Variants in ATP10B observed in about 807,000 individuals in gnomAD.
ATP10B encodes ATPase phospholipid transporting 10B (putative).
Under a neutral mutation model 141.2 loss-of-function variants are expected in ATP10B, and 122 were observed. The observed-to-expected ratio is 0.86, with a 90% CI of 0.75 to 1.00. The LOEUF (loss-of-function observed/expected upper bound fraction) is 1.00, where lower values mean the gene tolerates loss of function less well. Ranked by LOEUF, ATP10B falls within the 50% of genes least tolerant of loss-of-function variation. The probability of loss-of-function intolerance (pLI) is 0.00; values close to 1 mark genes in which losing one functional copy is unlikely to be tolerated. For synonymous variants in ATP10B, 685 were observed against 692.0 expected (o/e 0.99, Z 0.16); for missense variants, 1,876 against 1,825.3 (o/e 1.03, Z -0.51).
At chr5:160,616,027 C>T (rs1757976516) in intron 16 of ATP10B, 63 bp from the exon 17 acceptor site, 1 of 1,554,200 alleles carries the variant, frequency 6.4e-7, no homozygotes, top group Non-Finnish European at 8.8e-7. Flanking sequence ...TTTCCTCTCT[C>T]TTCCCACCTG....
intron 13 of ATP10B, among the ~76,000 whole-genome samples, chr5:160,627,568 A>G (rs1758675070): frequency 6.6e-6 from 1 of 152,150 alleles, no homozygotes; most frequent in Admixed American, 6.5e-5. Context: ...AACCAGAATA[A>G]AAAAATGCAC....
the ATP10B span, among the ~76,000 whole-genome samples, chr5:160,902,622 T>C: frequency 3.9e-5 from 6 of 152,202 alleles, no homozygotes; most frequent in Admixed American, 6.5e-5. Flanking sequence ...AAAGGAATAA[T>C]GTCAGGCTGA....
At position 160,837,594 on chromosome 5, in the gene ATP10B, AATACT is replaced by A. The variant is rs1430352917; in HGVS notation, c.-576+14342_-576+14346del. Reference sequence around the variant, plus strand: ...ATCACAACAAAAGGAACACATTTTTAATACTATACTAGTCATTAAAATATCATTTG... The same window carrying A: ...ATCACAACAAAAGGAACACATTTTTAATACTAGTCATTAAAATATCATTTG... On this transcript the variant is annotated intron_variant, in intron 1 of 25. Coordinates refer to ENST00000327245, the MANE Select transcript of ATP10B (RefSeq NM_025153.3). 2.0e-5 allele frequency among the ~76,000 whole-genome samples: 3 copies of A among 148,112 alleles called. No homozygotes were observed. In the Admixed American group the frequency reaches 2.1e-4, roughly 10 times the overall value.
At chr5:160,697,241 C>T (rs1460324245) in intron 3 of ATP10B, among the ~76,000 whole-genome samples, 1 of 151,948 alleles carries the variant, frequency 6.6e-6, no homozygotes, top group Non-Finnish European at 1.5e-5. Context: ...TTTGAAAGAC[C>T]CTCCATAAGT....
intron 13 of ATP10B, among the ~76,000 whole-genome samples, chr5:160,628,625 G>C (rs1205989846): frequency 6.6e-6 from 1 of 152,184 alleles, no homozygotes; most frequent in Non-Finnish European, 1.5e-5. Flanking sequence ...ACAAAGGAAA[G>C]CAGTGTGGAA....
At chr5:160,589,533 G>C in intron 24 of ATP10B, 59 bp downstream of exon 24, 2 of 1,296,930 alleles carry the variant, frequency 1.5e-6, no homozygotes, top group Non-Finnish European at 1.1e-6. Flanking sequence ...TCAGAAATTT[G>C]AGTATAGTCA....
chr5:160,748,503 A>G (rs967636053), intron 2 of ATP10B, among the ~76,000 whole-genome samples: 4 of 152,208 alleles, frequency 2.6e-5, no homozygotes, highest in Non-Finnish European at 4.4e-5. Context: ...TGGGGAGCAC[A>G]GGCCCAGCTA....
rs1707965453 is a variant in ATP10B at position 160,622,528 on chromosome 5, A to G, written c.1678T>C (p.Trp560Arg). Residue 560 changes from tryptophan (W) to arginine (R), a missense_variant, in exon 14 of 26, where the codon TGG becomes CGG. Coordinates refer to ENST00000327245, the MANE Select transcript of ATP10B (RefSeq NM_025153.3). ...CTGCTGTCTGACAAGGTCTCCAACC[A>G]CAGGGCAGCATCTCGAACCTTGGTC... ...LLTKVRDAAL[W>R]LETLSDSRPA... 6.2e-7 allele frequency: 1 copy of G among 1,613,954 alleles called. No homozygotes were observed. Among genetic ancestry groups the G allele is most frequent in the South Asian group, 1.1e-5 (1 of 91,052 alleles).
chr5:160,869,327 G>A, the ATP10B span, among the ~76,000 whole-genome samples: 1 of 151,752 alleles, frequency 6.6e-6, no homozygotes, highest in African/African-American at 2.4e-5. Context: ...CATCTCCTTA[G>A]CTACTGTCAT....
chr5:160,677,246 C>G (rs1291959641), intron 6 of ATP10B, among the ~76,000 whole-genome samples: 1 of 152,210 alleles, frequency 6.6e-6, no homozygotes, highest in Non-Finnish European at 1.5e-5. Context: ...CCTGAAATGA[C>G]AAGCTGAATT....
At chr5:160,768,823 C>T (rs1234926145) in intron 2 of ATP10B, among the ~76,000 whole-genome samples, 1 of 152,174 alleles carries the variant, frequency 6.6e-6, no homozygotes, top group African/African-American at 2.4e-5. Context: ...CCTACTGTTT[C>T]TCTTTTCTTT....
At chr5:160,658,138 G>A (rs764226063) in intron 7 of ATP10B, among the ~76,000 whole-genome samples, 14 of 152,224 alleles carry the variant, frequency 9.2e-5, no homozygotes, top group Non-Finnish European at 2.1e-4. Flanking sequence ...CACCTCTGCT[G>A]ATAAACCACA....
At chr5:160,602,769 A>C in intron 20 of ATP10B, 67 bp from the exon 21 acceptor site, 77 of 1,601,978 alleles carry the variant, frequency 4.8e-5, no homozygotes, top group Non-Finnish European at 5.9e-5. Context: ...GGACTCTCTC[A>C]AGGGCGTTGC....
intron 1 of ATP10B, among the ~76,000 whole-genome samples, chr5:160,839,697 C>T (rs983299676): frequency 6.6e-6 from 1 of 151,792 alleles, no homozygotes; most frequent in African/African-American, 2.4e-5. Flanking sequence ...TCAAATTGAC[C>T]CATCAAATTT....
intron 6 of ATP10B, among the ~76,000 whole-genome samples, chr5:160,671,164 CAAAAAAAAAAA>C (rs1167788105): frequency 1.4e-3 from 34 of 23,736 alleles, no homozygotes; most frequent in South Asian, 2.3e-3. Context: ...GACTCTGTCT[CAAAAAAAAAAA>C]AAAAAAAAAA....
chr5:160,763,043 C>T (rs893749923), intron 2 of ATP10B, among the ~76,000 whole-genome samples: 3 of 149,150 alleles, frequency 2.0e-5, no homozygotes, highest in Non-Finnish European at 3.0e-5. Flanking sequence ...GCACCTAATA[C>T]TGGAGCACCC....
the ATP10B span, among the ~76,000 whole-genome samples, chr5:160,871,407 G>T: frequency 6.6e-6 from 1 of 151,990 alleles, no homozygotes; most frequent in South Asian, 2.1e-4. Context: ...CGTACAGGTG[G>T]TATTTGGTTA....
chr5:160,690,930 A>G (rs1764037474), intron 3 of ATP10B, among the ~76,000 whole-genome samples: 2 of 152,218 alleles, frequency 1.3e-5, no homozygotes, highest in South Asian at 4.1e-4. Context: ...AGCACTCTTC[A>G]CAATAGCAAA....
chr5:160,739,461 G>A (rs1767326300), intron 2 of ATP10B, among the ~76,000 whole-genome samples: 1 of 152,178 alleles, frequency 6.6e-6, no homozygotes, highest in South Asian at 2.1e-4. Context: ...TAAAAAGGTT[G>A]CAGAATACAA....
Sources: allele counts gnomAD v4.1 joint callset (sites outside exome capture counted in the v4.1 genomes callset), GRCh38; gene constraint gnomAD v4.1.1; transcripts MANE v1.5; gene names NCBI Gene and HGNC (gene_info 2026-07-23, HGNC 2026-07-21).